Variants in SS18 observed in about 807,000 individuals in gnomAD.
SS18 encodes protein SSXT.
A neutral mutation model predicts 72.5 loss-of-function variants in SS18; 28 were observed. The observed-to-expected ratio is 0.39, with a 90% CI of 0.29 to 0.53. The LOEUF (loss-of-function observed/expected upper bound fraction) is 0.53, where lower values mean the gene tolerates loss of function less well. Among genes scored for constraint, SS18 ranks in the 20% least tolerant of loss-of-function variants. SS18 has a pLI of 0.76. For synonymous variants in SS18, 172 were observed against 164.2 expected, an observed-to-expected ratio of 1.05 and a Z score of -0.37; for missense variants, 518 against 535.3, an observed-to-expected ratio of 0.97 and a Z score of 0.32.
chr18:26,065,824 T>TATATATATATATATATATATATATATA (rs10527527), intron 3 of SS18, among the ~76,000 whole-genome samples: 5 of 136,736 alleles, frequency 3.7e-5, no homozygotes, highest in East Asian at 2.1e-4. Context: ...TATATATATA[T>TATATATATATATATATATATATATATA]GATCATTTTA....
chr18:26,036,599 T>C lies in SS18; in HGVS notation c.881-676A>G, dbSNP rs147043702. The stretch of plus-strand genomic sequence containing the variant: ...ACAATAAATTTTACCTGCGAGATAA[T>C]TGGACTCTAGTGAAAAATACTCTCA... On this transcript the variant is annotated intron_variant, in intron 7 of 10. Transcript: ENST00000415083. 4.6e-3 allele frequency among the ~76,000 whole-genome samples: 697 copies of C among 151,888 alleles called. 4 individuals carry two copies. The highest frequency in any genetic ancestry group is 0.016 in the African/African-American group (650 of 41,202).
chr18:26,044,256 C>G (rs528890593), intron 5 of SS18, among the ~76,000 whole-genome samples: 1 of 151,806 alleles, frequency 6.6e-6, no homozygotes, highest in African/African-American at 2.4e-5. Context: ...GTGAATTTGC[C>G]TAATAATTTA....
intron 3 of SS18, among the ~76,000 whole-genome samples, chr18:26,073,274 T>C (rs946386048): frequency 6.6e-6 from 1 of 152,170 alleles, no homozygotes; most frequent in East Asian, 1.9e-4. Flanking sequence ...TGGAATTAAA[T>C]AAATATGAAT....
rs905060162 is a variant in SS18 at position 26,051,318 on chromosome 18, T to C, written c.607+1306A>G. Among the ~76,000 whole-genome samples, 11 of 152,192 alleles carry C rather than the reference T, an allele frequency of 7.2e-5. 1 individual carries two copies. The highest frequency in any genetic ancestry group is 6.5e-4 in the Admixed American group (10 of 15,278). On this transcript the variant is annotated intron_variant, in intron 5 of 10. Coordinates refer to ENST00000415083, the MANE Select transcript of SS18 (RefSeq NM_001007559.3). ...AATACGACATTTTTAAAAATAAAAG[T>C]TGGTCCCTAAGAACAAAAAATTTCT...
At position 26,058,289 on chromosome 18, in the gene SS18, A is replaced by G. The variant is rs187347375; in HGVS notation, c.232-547T>C. Among the ~76,000 whole-genome samples, 262 of 152,374 alleles carry G rather than the reference A, an allele frequency of 1.7e-3. 1 individual carries two copies. The highest frequency in any genetic ancestry group is 3.4e-3 in the Middle Eastern group (1 of 294). ...AACATTACTGATGGCCTCCAAGGGT[A>G]CAGAGACAGCTGCCTCAAAAGGATG... On this transcript the variant is annotated intron_variant, in intron 3 of 10. Coordinates refer to ENST00000415083, the MANE Select transcript of SS18 (RefSeq NM_001007559.3).
chr18:26,069,162 C>T (rs568410752), intron 3 of SS18, among the ~76,000 whole-genome samples: 1 of 152,224 alleles, frequency 6.6e-6, no homozygotes, highest in South Asian at 2.1e-4. Flanking sequence ...TGATATCCTC[C>T]AATGTGTACC....
intron 10 of SS18, among the ~76,000 whole-genome samples, chr18:26,022,730 T>A (rs977958542): frequency 2.0e-5 from 3 of 152,164 alleles, no homozygotes; most frequent in Admixed American, 6.5e-5. Flanking sequence ...AAGAGACAAC[T>A]GTGGAGATGT....
At chr18:26,022,055 C>A (rs182550799) in intron 10 of SS18, among the ~76,000 whole-genome samples, 48 of 152,128 alleles carry the variant, frequency 3.2e-4, no homozygotes, top group Non-Finnish European at 5.7e-4. Context: ...ATACCAAAAT[C>A]TTTACATTTC....
intron 10 of SS18, among the ~76,000 whole-genome samples, chr18:26,031,240 A>G (rs1330594868): frequency 6.6e-6 from 1 of 152,186 alleles, no homozygotes; most frequent in African/African-American, 2.4e-5. Context: ...TATTTTTGAA[A>G]AATATTACTT....
chr18:26,088,588 A>G (rs1212242622), intron 1 of SS18, among the ~76,000 whole-genome samples: 1 of 152,236 alleles, frequency 6.6e-6, no homozygotes, highest in Non-Finnish European at 1.5e-5. Flanking sequence ...AGGGTTAAAT[A>G]ATTCATCTAA....
Position 26,052,774 on chromosome 18 carries a change from G to A in SS18, c.457C>T (p.Pro153Ser). 1 of 1,614,112 alleles carries A rather than the reference G, an allele frequency of 6.2e-7. No homozygotes were observed. Among genetic ancestry groups the A allele is most frequent in the Non-Finnish European group, 8.5e-7 (1 of 1,179,994 alleles). The change falls in exon 5 of 11, where the codon CCT becomes TCT. Residue 153 changes from proline to serine, a missense_variant. Physicochemically the swap from Pro to Ser is moderately conservative, Grantham distance 74. Transcript: ENST00000415083. ...LNMTNSSMNM[P>S]SSSHGSMGGY... ...CCCATGGATCCATGGCTACTTGAAG[G>A]CATATTCATGGAACTGTTTGTCATA...
intron 5 of SS18, among the ~76,000 whole-genome samples, chr18:26,041,983 T>C (rs1200784781): frequency 6.6e-6 from 1 of 151,932 alleles, no homozygotes; most frequent in Non-Finnish European, 1.5e-5. Context: ...ACAGAGAGAA[T>C]GCAGTCAGCT....
At chr18:26,074,412 C>A (rs1351913055) in intron 3 of SS18, among the ~76,000 whole-genome samples, 1 of 151,728 alleles carries the variant, frequency 6.6e-6, no homozygotes, top group Admixed American at 6.6e-5. Flanking sequence ...TTTCTAACTA[C>A]ATGTCTGTGT....
Position 26,035,276 on chromosome 18 carries a change from C to G in SS18, c.974-149G>C. 1 of 1,067,890 alleles carries G rather than the reference C, an allele frequency of 9.4e-7. No homozygotes were observed. Among genetic ancestry groups the G allele is most frequent in the South Asian group, 1.7e-5 (1 of 57,370 alleles). 66.2% of individuals were successfully genotyped at this position (1,067,890 alleles called of 1,614,324 possible). A position where few individuals can be genotyped will look rare whatever the true frequency, so the allele number is the denominator to read the frequency against. ...TAACAAAACAAAGAAAAAACTCAAA[C>G]CAAACAGAAGGATTTCGGCCAAACA... On this transcript the variant is annotated intron_variant, in intron 8 of 10. Transcript: ENST00000415083. This position sits in a 1 kb window ranked among gnomAD's most constrained non-coding sequence, Gnocchi z 4.4.
intron 7 of SS18, among the ~76,000 whole-genome samples, chr18:26,037,267 C>G (rs934853536): frequency 7.2e-5 from 11 of 151,894 alleles, no homozygotes; most frequent in African/African-American, 2.7e-4. Context: ...AAGGTTATAA[C>G]AATACACATG....
rs550857067 is a variant in SS18, at chr18:26,020,248, CAT to C, written c.1231-1870_1231-1869del. On this transcript the variant is annotated intron_variant, in intron 10 of 10. Coordinates refer to ENST00000415083, the MANE Select transcript of SS18 (RefSeq NM_001007559.3). ...TCTTCAATCATCAGTGGGAGAGTAACATATATATCTCTGGATCACAATTTCCC... is the reference window on the plus strand; with the variant it reads ...TCTTCAATCATCAGTGGGAGAGTAACATATATCTCTGGATCACAATTTCCC... Among the ~76,000 whole-genome samples, 9 of 152,206 alleles carry C rather than the reference CAT, an allele frequency of 5.9e-5. No homozygotes were observed. In the South Asian group the frequency reaches 1.9e-3, roughly 32 times the overall value.
At chr18:26,063,141 A>G (rs932149984) in intron 3 of SS18, among the ~76,000 whole-genome samples, 2 of 152,260 alleles carry the variant, frequency 1.3e-5, no homozygotes, top group Admixed American at 6.5e-5. Flanking sequence ...ATAAATATCA[A>G]AAGATTGAAA....
At chr18:26,020,431 A>C (rs1358248333) in intron 10 of SS18, among the ~76,000 whole-genome samples, 3 of 152,246 alleles carry the variant, frequency 2.0e-5, no homozygotes, top group Non-Finnish European at 2.9e-5. Context: ...ATGAGATGCT[A>C]ATGATGAAAG....
chr18:26,020,592 T>C (rs1194252999), intron 10 of SS18, among the ~76,000 whole-genome samples: 2 of 152,206 alleles, frequency 1.3e-5, no homozygotes, highest in Admixed American at 1.3e-4. Context: ...TCCAAGCAAC[T>C]GTGAACACTT....
Sources: gnomAD v4.1 joint callset for allele counts (sites outside exome capture counted in the v4.1 genomes callset) on GRCh38, gnomAD v4.1.1 for gene constraint, Gnocchi (gnomAD v3.1) non-coding constraint, MANE v1.5 for transcripts, NCBI Gene and HGNC (gene_info 2026-07-23, HGNC 2026-07-21) for gene names.